CFAP20DC: variants seen among roughly 807,000 people sequenced by gnomAD.
CFAP20DC encodes CFAP20 domain containing.
CFAP20DC carries 84 observed loss-of-function variants against 101.7 expected under a neutral mutation model. That is an observed-to-expected ratio of 0.83 (90% CI 0.69 to 0.99). The LOEUF (loss-of-function observed/expected upper bound fraction) is 0.99, where lower values mean the gene tolerates loss of function less well. Ranked by LOEUF, CFAP20DC falls within the 50% of genes least tolerant of loss-of-function variation. The pLI is 0.00. For synonymous variants in CFAP20DC, 359 were observed against 351.2 expected (o/e 1.02, Z -0.25); for missense variants, 1,007 against 970.3 (o/e 1.04, Z -0.50).
rs2077994837 is a variant in CFAP20DC, at chr3:58,849,108, T to G, written c.1895A>C (p.Gln632Pro). 6.5e-7 allele frequency: 1 copy of G among 1,536,000 alleles called. No individual in the cohort carries two copies. The highest frequency in any genetic ancestry group is 1.4e-5 in the African/African-American group (1 of 73,044). Residue 632 changes from glutamine to proline, a missense_variant, in exon 13 of 17, where the codon CAA becomes CCA. Coordinates refer to ENST00000482387, the MANE Select transcript of CFAP20DC (RefSeq NM_001394063.1). ...VIKAKDLSAQ[Q>P]VPASLNKTSL... ...GGTTTTGTTTAGTGAAGCTGGCACT[T>G]GCTGGGCTGATAGATCCTTCGCTTT...
intron 14 of CFAP20DC, among the ~76,000 whole-genome samples, chr3:58,825,758 G>A (rs1161508428): frequency 6.6e-6 from 1 of 152,114 alleles, no homozygotes; most frequent in Non-Finnish European, 1.5e-5. Flanking sequence ...GTAAAGTATT[G>A]TTTTAATTGA....
chr3:58,972,161 C>A (rs943434916), intron 4 of CFAP20DC, among the ~76,000 whole-genome samples: 6 of 152,156 alleles, frequency 3.9e-5, no homozygotes, highest in African/African-American at 9.6e-5. Context: ...AGACATTACA[C>A]AACATATTAT....
intron 4 of CFAP20DC, among the ~76,000 whole-genome samples, chr3:58,959,743 G>A (rs1418616326): frequency 2.0e-5 from 3 of 151,994 alleles, no homozygotes; most frequent in African/African-American, 7.3e-5. Flanking sequence ...TTTTACCTTT[G>A]AATTCCATAT....
intron 14 of CFAP20DC, among the ~76,000 whole-genome samples, chr3:58,823,587 TAACCCAG>T (rs2075839045): frequency 6.6e-6 from 1 of 152,118 alleles, no homozygotes; most frequent in African/African-American, 2.4e-5. Flanking sequence ...CACTGGGTAT[TAACCCAG>T]GATCGTGCCT....
chr3:58,855,234 A>T (rs2078664054), intron 12 of CFAP20DC, among the ~76,000 whole-genome samples: 1 of 152,232 alleles, frequency 6.6e-6, no homozygotes, highest in Admixed American at 6.5e-5. Flanking sequence ...ACACATGAAA[A>T]AATGCTCACC....
chr3:58,820,944 A>C (rs937534132), intron 14 of CFAP20DC, among the ~76,000 whole-genome samples: 1 of 150,652 alleles, frequency 6.6e-6, no homozygotes, highest in African/African-American at 2.5e-5. Flanking sequence ...ACCAAAACAG[A>C]GATATAGATC....
rs2079941758 is a variant in CFAP20DC, at chr3:58,869,304, T to C, written c.1015+24A>G. ...TCTCACTATTTTCACTAGCTATCAA[T>C]CTTTATGCATGATTATTTCTTACCA... On this transcript the variant is annotated intron_variant, in intron 9 of 16. Transcript: ENST00000482387. The surrounding 1 kb of genome is among the most constrained non-coding windows in gnomAD (Gnocchi z 4.3). 1 of 1,584,202 alleles carries C rather than the reference T, an allele frequency of 6.3e-7. No individual in the cohort carries two copies. Among genetic ancestry groups the C allele is most frequent in the Non-Finnish European group, 8.6e-7 (1 of 1,158,174 alleles).
At chr3:59,023,948 T>C (rs762796141) in intron 4 of CFAP20DC, among the ~76,000 whole-genome samples, 6 of 152,078 alleles carry the variant, frequency 3.9e-5, no homozygotes, top group Admixed American at 6.5e-5. Flanking sequence ...TCCCAAAATG[T>C]ACATAAGATT....
downstream of CFAP20DC, chr3:58,741,950 T>A (rs1364989226): frequency 7.8e-6 from 3 of 384,426 alleles, no homozygotes; most frequent in Non-Finnish European, 1.1e-5. Flanking sequence ...GAAAGTATCA[T>A]ATAGGAATAT....
chr3:58,948,410 C>G (rs2089644824), intron 4 of CFAP20DC, among the ~76,000 whole-genome samples: 1 of 152,148 alleles, frequency 6.6e-6, no homozygotes, highest in Non-Finnish European at 1.5e-5. Flanking sequence ...TGTTTTTTAA[C>G]TTCTATTACT....
chr3:58,906,916 G>C (rs2083647879), intron 6 of CFAP20DC, among the ~76,000 whole-genome samples: 1 of 152,132 alleles, frequency 6.6e-6, no homozygotes, highest in Admixed American at 6.5e-5. Flanking sequence ...GCAACGGAGT[G>C]AGATCCTCTC....
intron 13 of CFAP20DC, among the ~76,000 whole-genome samples, chr3:58,841,028 G>C (rs1306402709): frequency 6.6e-6 from 1 of 152,186 alleles, no homozygotes; most frequent in East Asian, 1.9e-4. Context: ...CTTTGACAGA[G>C]GGTTCTGTTT....
intron 13 of CFAP20DC, among the ~76,000 whole-genome samples, chr3:58,846,238 A>G (rs1307008797): frequency 5.7e-4 from 87 of 151,962 alleles, no homozygotes; most frequent in African/African-American, 2.0e-3. Flanking sequence ...CTGTTTGCAG[A>G]TGACATGATT....
chr3:58,829,421 G>A lies in CFAP20DC; in HGVS notation c.2175+2265C>T, dbSNP rs547613836. On this transcript the variant is annotated intron_variant, in intron 14 of 16. Transcript: ENST00000482387. ...CCCTGTGCAACTTTTAAAGAGAAAG[G>A]CATGAGCTCTCAAAAAGACCACAAT... 2.3e-4 allele frequency among the ~76,000 whole-genome samples: 35 copies of A among 151,844 alleles called. No individual in the cohort carries two copies. In the South Asian group the frequency reaches 7.1e-3, roughly 31 times the overall value.
chr3:58,928,386 T>C (rs2086217815), intron 5 of CFAP20DC, among the ~76,000 whole-genome samples: 1 of 152,192 alleles, frequency 6.6e-6, no homozygotes, highest in South Asian at 2.1e-4. Flanking sequence ...CTTATAATCC[T>C]TATCTAGGAC....
chr3:58,910,721 C>T (rs1201128944), intron 6 of CFAP20DC, among the ~76,000 whole-genome samples: 1 of 151,978 alleles, frequency 6.6e-6, no homozygotes. Flanking sequence ...TGGTGAACTC[C>T]GTGGACTAAT....
chr3:58,994,001 T>C (rs1434368314), intron 4 of CFAP20DC, among the ~76,000 whole-genome samples: 1 of 152,208 alleles, frequency 6.6e-6, no homozygotes, highest in Non-Finnish European at 1.5e-5. Context: ...CTTTGAGGAA[T>C]CATGACACTG....
At chr3:58,949,448 G>A (rs557950859) in intron 4 of CFAP20DC, among the ~76,000 whole-genome samples, 1 of 152,140 alleles carries the variant, frequency 6.6e-6, no homozygotes, top group African/African-American at 2.4e-5. Flanking sequence ...TCTACACACT[G>A]CTTTGAATGC....
chr3:58,819,107 C>T (rs1311138538), intron 14 of CFAP20DC, among the ~76,000 whole-genome samples: 21 of 147,840 alleles, frequency 1.4e-4, no homozygotes, highest in East Asian at 8.5e-4. Flanking sequence ...AACAAAGACA[C>T]AACATACCAG....
Sources: allele counts gnomAD v4.1 joint callset (sites outside exome capture counted in the v4.1 genomes callset), GRCh38; gene constraint gnomAD v4.1.1; non-coding constraint Gnocchi (gnomAD v3.1); transcripts MANE v1.5; gene names NCBI Gene and HGNC (gene_info 2026-07-23, HGNC 2026-07-21).